LAMA3: variants seen among roughly 807,000 people sequenced by gnomAD.
LAMA3 encodes the protein laminin subunit alpha 3, also known as laminin subunit alpha-3.
A neutral mutation model predicts 402.0 loss-of-function variants in LAMA3; 281 were observed. The ratio of observed to expected loss-of-function variants is 0.70; its 90% CI spans 0.63 to 0.77. LAMA3 has a LOEUF of 0.77. Among genes scored for constraint, LAMA3 ranks in the 30% least tolerant of loss-of-function variants. The pLI, the probability that LAMA3 is intolerant of heterozygous loss-of-function variation, is 0.00. For missense variants in LAMA3, 3,840 were observed against 4,215.5 expected (o/e 0.91, Z 2.47); for synonymous variants, 1,431 against 1,558.4 (o/e 0.92, Z 1.93).
Position 23,815,515 on chromosome 18 carries a change from C to T in LAMA3, c.1989C>T (p.Cys663=), listed in dbSNP as rs558629621. 22 of 1,614,100 alleles carry T rather than the reference C, an allele frequency of 1.4e-5. No homozygotes were observed. The highest frequency in any genetic ancestry group is 1.2e-4 in the Admixed American group (7 of 60,018). Residue 663 remains cysteine (C), a synonymous_variant, in exon 17 of 75, where the codon TGC becomes TGT. Transcript: ENST00000313654. The stretch of plus-strand genomic sequence containing the variant: ...AGTCCCATGTGGGTGGCGATTCCTG[C>T]GACACCTGTGAAGATGGATATTTTG... ...HCKSHVGGDS[C]DTCEDGYFAL... is the part of the protein sequence containing the mutation.
intron 12 of LAMA3, among the ~76,000 whole-genome samples, chr18:23,785,228 C>T (rs1456330275): frequency 6.6e-6 from 1 of 152,210 alleles, no homozygotes; most frequent in Non-Finnish European, 1.5e-5. Context: ...AATTTGCAAA[C>T]CCAATTGGCA....
At chr18:23,762,324 C>T (rs761171526) in intron 7 of LAMA3, among the ~76,000 whole-genome samples, 10 of 152,130 alleles carry the variant, frequency 6.6e-5, no homozygotes, top group Non-Finnish European at 1.2e-4. Context: ...CGAGGTGGCT[C>T]ATGCTTGTAA....
At chr18:23,720,863 A>C (rs2061199054) in intron 2 of LAMA3, among the ~76,000 whole-genome samples, 1 of 152,150 alleles carries the variant, frequency 6.6e-6, no homozygotes. Context: ...CTTTTAATAC[A>C]TGAAAAACTC....
At chr18:23,872,001 AT>A (rs1459442171) in intron 38 of LAMA3, among the ~76,000 whole-genome samples, 2 of 152,212 alleles carry the variant, frequency 1.3e-5, no homozygotes, top group Non-Finnish European at 2.9e-5. Flanking sequence ...GTTTGAGATG[AT>A]GGATATGTTA....
chr18:23,747,471 A>G (rs1478154514), intron 2 of LAMA3, among the ~76,000 whole-genome samples: 1 of 152,214 alleles, frequency 6.6e-6, no homozygotes, highest in Non-Finnish European at 1.5e-5. Context: ...CTACCACTCC[A>G]TCAAATGGCT....
chr18:23,784,926 A>G (rs1229874917), intron 12 of LAMA3, among the ~76,000 whole-genome samples: 1 of 152,244 alleles, frequency 6.6e-6, no homozygotes, highest in Non-Finnish European at 1.5e-5. Context: ...TTCAGACACT[A>G]TAAAAAGAAA....
intron 60 of LAMA3, among the ~76,000 whole-genome samples, chr18:23,919,785 G>C (rs72873097): frequency 6.6e-6 from 1 of 151,968 alleles, no homozygotes; most frequent in Non-Finnish European, 1.5e-5. Context: ...ATCTGGTAGG[G>C]GTCAGGGCTT....
Position 23,904,660 on chromosome 18 carries a change from A to C in LAMA3, c.6581A>C (p.Asn2194Thr), listed in dbSNP as rs549111114. 2 of 1,614,058 alleles carry C rather than the reference A, an allele frequency of 1.2e-6. No homozygotes were observed. Among genetic ancestry groups the C allele is most frequent in the African/African-American group, 2.7e-5 (2 of 75,056 alleles). The change falls in exon 51 of 75, where the codon AAC becomes ACC. Residue 2194 changes from asparagine (N) to threonine (T), a missense_variant. Asn to Thr is a moderately conservative substitution (Grantham distance 65, BLOSUM62 0). This residue lies in a region of LAMA3 where 891 missense variants were observed against 857.5 expected (regional missense o/e 1.04). Transcript: ENST00000313654. ...NAIKAAEDAA[N>T]RAASASESAL... Reference sequence around the variant, plus strand: ...ATCAAAGCGGCCGAGGACGCAGCCAACAGGGCTGCCAGTGCATCTGAATCT... The same window carrying C: ...ATCAAAGCGGCCGAGGACGCAGCCACCAGGGCTGCCAGTGCATCTGAATCT...
chr18:23,689,511 A>G lies in LAMA3; in HGVS notation c.-173A>G. 1 of 525,468 alleles carries G rather than the reference A, an allele frequency of 1.9e-6. No homozygotes were observed. The highest frequency in any genetic ancestry group is 2.9e-6 in the Non-Finnish European group (1 of 349,850). The allele number at this position is 525,468 out of a possible 1,614,324, so 32.6% of individuals were successfully genotyped here. On this transcript the variant is annotated 5_prime_UTR_variant, in exon 1 of 75. Coordinates refer to ENST00000313654, the MANE Select transcript of LAMA3 (RefSeq NM_198129.4). ...CGGCAGGTTCCAGAGCTGAGAGGCC[A>G]CCCCCACGCCGCGGGCTTCCAGCGC...
At chr18:23,759,520 C>T (rs923604956) in intron 7 of LAMA3, among the ~76,000 whole-genome samples, 1 of 152,086 alleles carries the variant, frequency 6.6e-6, no homozygotes, top group Non-Finnish European at 1.5e-5. Context: ...CTCAGCCTCT[C>T]CAGTAGCTGG....
At chr18:23,829,229 C>T (rs892708156) in intron 23 of LAMA3, among the ~76,000 whole-genome samples, 2 of 152,208 alleles carry the variant, frequency 1.3e-5, no homozygotes, top group African/African-American at 4.8e-5. Context: ...TTGGGGATTT[C>T]AGATCATGGG....
At chr18:23,795,366 G>A (rs572777362) in intron 12 of LAMA3, among the ~76,000 whole-genome samples, 2 of 152,160 alleles carry the variant, frequency 1.3e-5, no homozygotes, top group Admixed American at 1.3e-4. Context: ...AAGATACTGA[G>A]GGTATCACTA....
chr18:23,734,121 CT>C (rs2061435997), intron 2 of LAMA3, among the ~76,000 whole-genome samples: 1 of 152,248 alleles, frequency 6.6e-6, no homozygotes, highest in Non-Finnish European at 1.5e-5. Context: ...GCCGTCTCAA[CT>C]TCTACCACCA....
rs1196482626 is a variant in LAMA3 at position 23,882,624 on chromosome 18, A to G, written c.5222+579A>G. On this transcript the variant is annotated intron_variant, in intron 40 of 74. Coordinates refer to ENST00000313654, the MANE Select transcript of LAMA3 (RefSeq NM_198129.4). ...GACTCCATCTTAAAAAAAAAAAAAA[A>G]AGAAAACAAACAGAAACCGTCTTTC... Among the ~76,000 whole-genome samples the G allele has an allele frequency of 4.0e-5, 6 of 151,322 alleles. No individual in the cohort carries two copies. The East Asian group carries it at 7.7e-4, about 19-fold the overall frequency.
At chr18:23,833,074 G>C (rs2063517287) in intron 23 of LAMA3, among the ~76,000 whole-genome samples, 1 of 152,148 alleles carries the variant, frequency 6.6e-6, no homozygotes, top group African/African-American at 2.4e-5. Context: ...CACACAGCTG[G>C]AGGCTGTCTG....
At chr18:23,728,317 G>T (rs1035499755) in intron 2 of LAMA3, among the ~76,000 whole-genome samples, 2 of 152,118 alleles carry the variant, frequency 1.3e-5, no homozygotes, top group African/African-American at 4.8e-5. Context: ...GTGCTCAGGG[G>T]GTAGGAGGGC....
At chr18:23,747,803 T>G (rs1037752995) in intron 2 of LAMA3, 140 bp from the exon 3 acceptor site, 2 of 699,210 alleles carry the variant, frequency 2.9e-6, no homozygotes. Context: ...AGATGTCCAA[T>G]AGACAGGAAT....
At chr18:23,768,849 C>G (rs914954048) in intron 8 of LAMA3, among the ~76,000 whole-genome samples, 4 of 152,150 alleles carry the variant, frequency 2.6e-5, no homozygotes, top group Non-Finnish European at 4.4e-5. Flanking sequence ...AGCATGGATG[C>G]AGCTGGAGGT....
chr18:23,821,259 T>A (rs181610274), intron 19 of LAMA3, among the ~76,000 whole-genome samples: 1 of 152,332 alleles, frequency 6.6e-6, no homozygotes, highest in East Asian at 1.9e-4. Flanking sequence ...CCTAATAGAT[T>A]TTTGCATATT....
Sources: gnomAD v4.1 joint callset for allele counts (sites outside exome capture counted in the v4.1 genomes callset) on GRCh38, gnomAD v4.1.1 for gene constraint, gnomAD v4.1.1 regional missense constraint, MANE v1.5 for transcripts, NCBI Gene and HGNC (gene_info 2026-07-23, HGNC 2026-07-21) for gene names.